The following TGFBR1 variants were observed in gnomAD, a reference collection of about 807,000 sequenced individuals.
The protein encoded by TGFBR1 is transforming growth factor beta receptor 1.
TGFBR1 carries 20 observed loss-of-function variants against 55.1 expected under a neutral mutation model. That is an observed-to-expected ratio of 0.36 (90% CI 0.26 to 0.53). The LOEUF (loss-of-function observed/expected upper bound fraction) is 0.53, where lower values mean the gene tolerates loss of function less well. TGFBR1 is among the 20% of genes least tolerant of loss of function. TGFBR1 has a pLI of 0.91. For missense variants in TGFBR1, 385 were observed against 617.6 expected, an observed-to-expected ratio of 0.62 and a Z score of 3.99; for synonymous variants, 220 against 214.8, an observed-to-expected ratio of 1.02 and a Z score of -0.21.
intron 1 of TGFBR1, among the ~76,000 whole-genome samples, chr9:99,109,526 A>C (rs1011026469): frequency 3.9e-5 from 6 of 152,214 alleles, no homozygotes; most frequent in African/African-American, 1.4e-4. Flanking sequence ...GGGACTCAAC[A>C]CCATTCTTGT....
intron 5 of TGFBR1, among the ~76,000 whole-genome samples, chr9:99,143,557 T>TC (rs1287956360): frequency 6.6e-6 from 1 of 152,172 alleles, no homozygotes; most frequent in African/African-American, 2.4e-5. Context: ...ACCCAATGGC[T>TC]CCCCCACTCC....
At chr9:99,128,536 A>G (rs987197051) in intron 1 of TGFBR1, 2 of 406,100 alleles carry the variant, frequency 4.9e-6, no homozygotes, top group Non-Finnish European at 4.7e-6. Flanking sequence ...CTTTGTTTCT[A>G]ATGGGAAGGC....
intron 1 of TGFBR1, among the ~76,000 whole-genome samples, chr9:99,113,918 T>G (rs1481587537): frequency 1.3e-5 from 2 of 152,178 alleles, no homozygotes; most frequent in Admixed American, 6.5e-5. Context: ...GTCTGAGAAA[T>G]TGTAGAAGGA....
intron 1 of TGFBR1, among the ~76,000 whole-genome samples, chr9:99,111,295 C>CTTTTTTTTTTTTTTTTT (rs3034196): frequency 1.8e-5 from 1 of 55,156 alleles, no homozygotes; most frequent in African/African-American, 7.7e-5. Flanking sequence ...TGCACCCATG[C>CTTTTTTTTTTTTTTTTT]TTTTTTTTTT....
rs200970226 is a variant in TGFBR1, at chr9:99,150,674, A to G, written c.*1369A>G. ...TCAGTGTTTCCTTATGTGTGCGTACATTGCAACTGCTTACATGTAATTTAT... is the reference window on the plus strand; with the variant it reads ...TCAGTGTTTCCTTATGTGTGCGTACGTTGCAACTGCTTACATGTAATTTAT... On this transcript the variant is annotated 3_prime_UTR_variant, in exon 9 of 9. Coordinates refer to ENST00000374994, the MANE Select transcript of TGFBR1 (RefSeq NM_004612.4). 2 of 211,402 alleles carry G rather than the reference A, an allele frequency of 9.5e-6. No individual in the cohort carries two copies. Among genetic ancestry groups the G allele is most frequent in the South Asian group, 1.9e-4 (1 of 5,298 alleles). 13.1% of individuals were successfully genotyped at this position (211,402 alleles called of 1,614,324 possible).
chr9:99,119,796 T>A (rs1330481324), intron 1 of TGFBR1, among the ~76,000 whole-genome samples: 8 of 152,218 alleles, frequency 5.3e-5, no homozygotes. Context: ...GTCATATTGT[T>A]GAAAAACTGT....
intron 1 of TGFBR1, among the ~76,000 whole-genome samples, chr9:99,105,705 C>T (rs1826392189): frequency 6.6e-6 from 1 of 152,120 alleles, no homozygotes; most frequent in African/African-American, 2.4e-5. Flanking sequence ...CCCCTGGGCA[C>T]GGCGTGACCT....
rs1322997395 is a variant in TGFBR1, at chr9:99,149,275, A to T, written c.1482A>T (p.Gln494His). ...TALRIKKTLS[Q>H]LSQQEGIKM is the part of the protein sequence containing the mutation. ...TGCGGATTAAGAAAACATTATCGCA[A>T]CTCAGTCAACAGGAAGGCATCAAAA... Residue 494 changes from glutamine (Q) to histidine (H), a missense_variant, in exon 9 of 9, where the codon CAA (glutamine) becomes CAT (histidine). Physicochemically the swap from Gln to His is conservative, Grantham distance 24. Transcript: ENST00000374994. 6.2e-7 allele frequency: 1 copy of T among 1,613,890 alleles called. No individual in the cohort carries two copies. Among genetic ancestry groups the T allele is most frequent in the Non-Finnish European group, 8.5e-7 (1 of 1,179,858 alleles).
In TGFBR1 at chr9:99,105,148, G is replaced by C; in HGVS notation, c.-58G>C. On this transcript the variant is annotated 5_prime_UTR_variant, in exon 1 of 9. Coordinates refer to ENST00000374994, the MANE Select transcript of TGFBR1 (RefSeq NM_004612.4). ...GAGGTGGGGCGAGGCGAGGTTTGCT[G>C]GGGTGAGGCAGCGGCGCGGCCGGGC... 1 of 1,079,484 alleles carries C rather than the reference G, an allele frequency of 9.3e-7. No individual in the cohort carries two copies. Among genetic ancestry groups the C allele is most frequent in the Non-Finnish European group, 1.1e-6 (1 of 889,200 alleles). 66.9% of individuals were successfully genotyped at this position (1,079,484 alleles called of 1,614,324 possible).
upstream of TGFBR1, among the ~76,000 whole-genome samples, chr9:99,104,411 TG>T (rs1355590425): frequency 1.3e-5 from 2 of 151,962 alleles, no homozygotes; most frequent in Non-Finnish European, 2.9e-5. Context: ...GGGGTGTGTT[TG>T]GGCTCAGGAT....
intron 1 of TGFBR1, among the ~76,000 whole-genome samples, chr9:99,108,580 T>TA (rs1434143716): frequency 6.6e-6 from 1 of 152,180 alleles, no homozygotes; most frequent in African/African-American, 2.4e-5. Context: ...CTTTAGGACT[T>TA]ACACTGACTT....
intron 4 of TGFBR1, among the ~76,000 whole-genome samples, chr9:99,139,815 G>A (rs1827554527): frequency 2.0e-5 from 3 of 151,982 alleles, no homozygotes; most frequent in Admixed American, 2.0e-4. Flanking sequence ...TAAAATTTAG[G>A]TCCCCCCTTC....
intron 1 of TGFBR1, among the ~76,000 whole-genome samples, chr9:99,119,295 C>A (rs1297182574): frequency 6.6e-6 from 1 of 152,148 alleles, no homozygotes; most frequent in Admixed American, 6.5e-5. Context: ...TACCACAGTT[C>A]TGTTTTGTAT....
At chr9:99,115,309 G>C (rs1826703774) in intron 1 of TGFBR1, among the ~76,000 whole-genome samples, 1 of 151,688 alleles carries the variant, frequency 6.6e-6, no homozygotes, top group Admixed American at 6.6e-5. Flanking sequence ...ATTCCATCTA[G>C]ATTTCCTAGG....
At position 99,140,547 on chromosome 9, in the gene TGFBR1, A is replaced by G. The variant is rs117832012; in HGVS notation, c.806-1989A>G. Among the ~76,000 whole-genome samples the G allele has an allele frequency of 4.3e-3, 658 of 152,148 alleles. 4 individuals carry two copies. The highest frequency in any genetic ancestry group is 0.036 in the East Asian group (184 of 5,170). On this transcript the variant is annotated intron_variant, in intron 4 of 8. Coordinates refer to ENST00000374994, the MANE Select transcript of TGFBR1 (RefSeq NM_004612.4). ...TCTCATTTTCGTTTCTGCCTTTATC[A>G]CCATTTATTTCCTCCCCCAACTCTT...
chr9:99,124,011 G>C (rs919844721), intron 1 of TGFBR1, among the ~76,000 whole-genome samples: 3 of 152,074 alleles, frequency 2.0e-5, no homozygotes, highest in African/African-American at 7.2e-5. Context: ...TTAGCATCTT[G>C]AACAATTTAA....
intron 1 of TGFBR1, among the ~76,000 whole-genome samples, chr9:99,110,889 C>T (rs953627570): frequency 8.5e-5 from 13 of 152,216 alleles, no homozygotes; most frequent in African/African-American, 3.1e-4. Flanking sequence ...TTTTCCTATA[C>T]AAATGCTCCT....
rs80220356 is a variant in TGFBR1 at position 99,134,491 on chromosome 9, G to A, written c.574+1752G>A. 8.7e-3 allele frequency among the ~76,000 whole-genome samples: 1,323 copies of A among 152,224 alleles called. 7 individuals carry two copies. Among genetic ancestry groups the A allele is most frequent in the East Asian group, 0.036 (185 of 5,154 alleles). ...TCCTGGGACTTCCCATTTATTCTCA[G>A]TTCAGATCTTCAAAAAGATTTTGCT... On this transcript the variant is annotated intron_variant, in intron 3 of 8. Transcript: ENST00000374994.
At chr9:99,138,391 T>C (rs1827506335) in intron 4 of TGFBR1, among the ~76,000 whole-genome samples, 1 of 152,228 alleles carries the variant, frequency 6.6e-6, no homozygotes, top group Admixed American at 6.5e-5. Flanking sequence ...AGAGTACTCA[T>C]GATATAGAAA....
Sources: gnomAD v4.1 joint callset for allele counts (sites outside exome capture counted in the v4.1 genomes callset) on GRCh38, gnomAD v4.1.1 for gene constraint, MANE v1.5 for transcripts, NCBI Gene and HGNC (gene_info 2026-07-23, HGNC 2026-07-21) for gene names.